The following ULK4 variants were observed in gnomAD, a reference collection of about 807,000 sequenced individuals.
The protein encoded by ULK4 is inactive serine/threonine-protein kinase ULK4.
ULK4 carries 133 observed loss-of-function variants against 160.6 expected under a neutral mutation model. The ratio of observed to expected loss-of-function variants is 0.83; its 90% confidence interval spans 0.72 to 0.96. The LOEUF is 0.96. ULK4 is among the 40% of genes least tolerant of loss of function. The pLI is 0.00. For missense variants in ULK4, 1,580 were observed against 1,499.5 expected (o/e 1.05, Z -0.89); for synonymous variants, 534 against 539.8 (o/e 0.99, Z 0.15).
chr3:41,958,449 C>A (rs2148849711), intron 1 of ULK4, among the ~76,000 whole-genome samples: 1 of 152,042 alleles, frequency 6.6e-6, no homozygotes, highest in African/African-American at 2.4e-5. Flanking sequence ...CGCCTGTAAT[C>A]CCAGCACTTT....
chr3:41,525,047 C>G (rs573802976), intron 32 of ULK4, among the ~76,000 whole-genome samples: 1 of 152,298 alleles, frequency 6.6e-6, no homozygotes, highest in South Asian at 2.1e-4. Flanking sequence ...TGAGAGCATT[C>G]TGGAAGCTAT....
chr3:41,925,116 C>T (rs1007742461), intron 5 of ULK4, among the ~76,000 whole-genome samples: 1 of 152,134 alleles, frequency 6.6e-6, no homozygotes, highest in Non-Finnish European at 1.5e-5. Flanking sequence ...GCTGGCAAGA[C>T]GGCCGAATAG....
At chr3:41,630,783 A>G (rs972514664) in intron 30 of ULK4, among the ~76,000 whole-genome samples, 2 of 152,142 alleles carry the variant, frequency 1.3e-5, no homozygotes, top group Admixed American at 1.3e-4. Flanking sequence ...AAAGTAATGC[A>G]TATTTGGTTC....
chr3:41,278,551 C>G (rs1351827298), intron 35 of ULK4, among the ~76,000 whole-genome samples: 1 of 152,154 alleles, frequency 6.6e-6, no homozygotes, highest in East Asian at 1.9e-4. Context: ...TAGGGGCCAA[C>G]AGATACCTCG....
rs2035916165 is a variant in ULK4 at position 41,681,383 on chromosome 3, TA to T, written c.2978+124del. The T allele has an allele frequency of 6.3e-5, 85 of 1,359,246 alleles. 1 individual carries two copies. The South Asian group carries it at 9.6e-4, about 15-fold the overall frequency. 84.2% of individuals were successfully genotyped at this position (1,359,246 alleles called of 1,614,324 possible). A position where few individuals can be genotyped will look rare whatever the true frequency, so the allele number is the denominator to read the frequency against. ...CTGTCTAAACTTTTTTTATAATGAGTACACAAGCATATGTGTATAAACATAA... is the reference window on the plus strand; with the variant it reads ...CTGTCTAAACTTTTTTTATAATGAGTCACAAGCATATGTGTATAAACATAA... On this transcript the variant is annotated intron_variant, in intron 29 of 36. Coordinates refer to ENST00000301831, the MANE Select transcript of ULK4 (RefSeq NM_017886.4).
At chr3:41,657,834 A>AAAC (rs1553628520) in intron 30 of ULK4, among the ~76,000 whole-genome samples, 2 of 149,964 alleles carry the variant, frequency 1.3e-5, no homozygotes, top group African/African-American at 5.0e-5. Flanking sequence ...AAAAAAAAAA[A>AAAC]ACACACACCA....
Position 41,374,158 on chromosome 3 carries a change from C to CA in ULK4, c.3678+23920dup, listed in dbSNP as rs1003017484. Among the ~76,000 whole-genome samples the CA allele has an allele frequency of 4.6e-5, 7 of 151,978 alleles. No homozygotes were observed. The East Asian group carries it at 9.6e-4, about 21-fold the overall frequency. On this transcript the variant is annotated intron_variant, in intron 35 of 36. Coordinates refer to ENST00000301831, the MANE Select transcript of ULK4 (RefSeq NM_017886.4). ...AGGCAGTAATTAACAGCATTCCAAACAAAAAAAGCCCAAGACTAGATAGAT... is the reference window on the plus strand; with the variant it reads ...AGGCAGTAATTAACAGCATTCCAAACAAAAAAAAGCCCAAGACTAGATAGAT...
intron 32 of ULK4, among the ~76,000 whole-genome samples, chr3:41,506,807 T>TATAC (rs1559658299): frequency 2.4e-4 from 27 of 110,688 alleles, no homozygotes; most frequent in African/African-American, 9.3e-4. Flanking sequence ...TATATATATA[T>TATAC]GAACATGTTT....
chr3:41,700,229 G>A (rs532668392), intron 27 of ULK4, among the ~76,000 whole-genome samples: 56 of 152,188 alleles, frequency 3.7e-4, no homozygotes, highest in African/African-American at 1.3e-3. Context: ...GATGAAAACC[G>A]GAGGCAGAGA....
Position 41,289,858 on chromosome 3 carries a change from C to T in ULK4, c.3679-40284G>A, listed in dbSNP as rs199564302. On this transcript the variant is annotated intron_variant, in intron 35 of 36. Transcript: ENST00000301831. ...ATGTATGTATGTATGTATGTATGTA[C>T]GTATGTATGTATGTATGTGTGTGTG... Among the ~76,000 whole-genome samples the T allele has an allele frequency of 2.3e-3, 243 of 107,622 alleles. 2 individuals are homozygous for T. The highest frequency in any genetic ancestry group is 7.8e-3 in the African/African-American group (192 of 24,536). The allele number at this position is 107,622 out of a possible 152,430, so 70.6% of individuals were successfully genotyped here. A position where few individuals can be genotyped will look rare whatever the true frequency, so the allele number is the denominator to read the frequency against.
intron 32 of ULK4, among the ~76,000 whole-genome samples, chr3:41,509,211 C>G (rs1321531049): frequency 6.6e-6 from 1 of 151,760 alleles, no homozygotes; most frequent in African/African-American, 2.4e-5. Context: ...ATCAAACAAG[C>G]AGAAGAAAGA....
At chr3:41,676,360 T>C (rs993337193) in intron 29 of ULK4, among the ~76,000 whole-genome samples, 6 of 152,190 alleles carry the variant, frequency 3.9e-5, no homozygotes, top group Admixed American at 3.3e-4. Context: ...CTCAGAAAGA[T>C]GTAAATGGGT....
At chr3:41,803,562 G>A (rs939340393) in intron 19 of ULK4, among the ~76,000 whole-genome samples, 1 of 152,068 alleles carries the variant, frequency 6.6e-6, no homozygotes, top group Non-Finnish European at 1.5e-5. Context: ...GTATACATGT[G>A]CCATGCTGGT....
intron 27 of ULK4, among the ~76,000 whole-genome samples, chr3:41,684,136 C>T (rs1292989270): frequency 2.0e-5 from 3 of 152,188 alleles, no homozygotes; most frequent in African/African-American, 7.2e-5. Context: ...TGCAGCTTGG[C>T]CCCCACAGCT....
At chr3:41,613,672 A>G (rs756469712) in intron 31 of ULK4, among the ~76,000 whole-genome samples, 1 of 152,262 alleles carries the variant, frequency 6.6e-6, no homozygotes, top group African/African-American at 2.4e-5. Context: ...AAAAAAGTTG[A>G]GATTATTCAA....
intron 31 of ULK4, among the ~76,000 whole-genome samples, chr3:41,587,625 T>C (rs1010133735): frequency 5.3e-5 from 8 of 152,186 alleles, no homozygotes; most frequent in Admixed American, 3.9e-4. Context: ...CAGTAGCCTT[T>C]ATCTACTTGA....
chr3:41,605,309 A>AAC (rs2032323977), intron 31 of ULK4, among the ~76,000 whole-genome samples: 1 of 151,996 alleles, frequency 6.6e-6, no homozygotes, highest in Non-Finnish European at 1.5e-5. Flanking sequence ...TTAAAAGACT[A>AAC]ATATTATTAG....
intron 32 of ULK4, among the ~76,000 whole-genome samples, chr3:41,564,126 T>A (rs2087701504): frequency 6.6e-6 from 1 of 152,214 alleles, no homozygotes. Flanking sequence ...GTCCCTCAGC[T>A]GCAGGTCTGT....
chr3:41,905,993 G>A (rs1378837412), intron 12 of ULK4, among the ~76,000 whole-genome samples: 12 of 151,824 alleles, frequency 7.9e-5, no homozygotes, highest in African/African-American at 2.2e-4. Flanking sequence ...CGAGGCGGGC[G>A]GATCATGAGA....
Sources: allele counts gnomAD v4.1 joint callset (sites outside exome capture counted in the v4.1 genomes callset), GRCh38; gene constraint gnomAD v4.1.1; transcripts MANE v1.5; gene names NCBI Gene and HGNC (gene_info 2026-07-23, HGNC 2026-07-21).